Variants in RGS7 observed in about 807,000 individuals in gnomAD.
The protein encoded by RGS7 is regulator of G protein signaling 7, also known as regulator of G-protein signaling 7.
RGS7 carries 27 observed loss-of-function variants against 81.1 expected under a neutral mutation model. The observed-to-expected ratio is 0.33, with a 90% CI of 0.25 to 0.46. The LOEUF (loss-of-function observed/expected upper bound fraction) is 0.46, where lower values mean the gene tolerates loss of function less well. Ranked by LOEUF, RGS7 falls within the 20% of genes least tolerant of loss-of-function variation. The pLI is 1.00. For synonymous variants in RGS7, 208 were observed against 207.7 expected (o/e 1.00, Z -0.01); for missense variants, 396 against 607.4 (o/e 0.65, Z 3.66).
intron 2 of RGS7, among the ~76,000 whole-genome samples, chr1:241,214,199 AC>A (rs1296075191): frequency 6.6e-6 from 1 of 151,942 alleles, no homozygotes; most frequent in Non-Finnish European, 1.5e-5. Context: ...CATGTTATAG[AC>A]CTGTCAGCAA....
At chr1:241,183,360 G>T (rs921679948) in intron 2 of RGS7, among the ~76,000 whole-genome samples, 11 of 152,148 alleles carry the variant, frequency 7.2e-5, no homozygotes, top group African/African-American at 2.4e-4. Flanking sequence ...CAGTCACCAC[G>T]TGCTCCATCT....
At chr1:241,226,232 C>T (rs2075300783) in intron 2 of RGS7, among the ~76,000 whole-genome samples, 1 of 152,102 alleles carries the variant, frequency 6.6e-6, no homozygotes, top group African/African-American at 2.4e-5. Context: ...AGGTGAAAAA[C>T]ACAAATAAAA....
At chr1:240,938,291 GATTT>G (rs1186391077) in intron 4 of RGS7, among the ~76,000 whole-genome samples, 6 of 152,074 alleles carry the variant, frequency 3.9e-5, no homozygotes, top group East Asian at 3.9e-4. Flanking sequence ...AGAAAAGTTA[GATTT>G]ATTTATCTGT....
At chr1:241,299,927 C>T (rs1163097808) in intron 2 of RGS7, among the ~76,000 whole-genome samples, 3 of 62,888 alleles carry the variant, frequency 4.8e-5, no homozygotes, top group East Asian at 5.7e-4. Context: ...ACAGATACCT[C>T]GTTTCTCCAA....
intron 9 of RGS7, among the ~76,000 whole-genome samples, chr1:240,852,032 G>C (rs1660203705): frequency 6.6e-6 from 1 of 152,198 alleles, no homozygotes; most frequent in Admixed American, 6.5e-5. Context: ...GGTTTGAAAG[G>C]ATGTATTCCA....
intron 3 of RGS7, among the ~76,000 whole-genome samples, chr1:241,000,674 T>TCTCC (rs1451575704): frequency 6.6e-5 from 10 of 152,008 alleles, no homozygotes; most frequent in Non-Finnish European, 1.5e-4. Context: ...TTATACAGAG[T>TCTCC]CTCCCTCTGT....
chr1:240,869,370 A>G (rs171881), intron 7 of RGS7, among the ~76,000 whole-genome samples: 2 of 152,034 alleles, frequency 1.3e-5, no homozygotes, highest in South Asian at 2.1e-4. Flanking sequence ...TATCTGCTGA[A>G]GATCACTGTC....
intron 9 of RGS7, among the ~76,000 whole-genome samples, chr1:240,839,797 G>T (rs1374891474): frequency 6.6e-6 from 1 of 152,108 alleles, no homozygotes; most frequent in Non-Finnish European, 1.5e-5. Flanking sequence ...AAAGGATAAA[G>T]TGTCCAAGCC....
intron 10 of RGS7, chr1:240,823,295 AAAT>A: frequency 1.6e-6 from 1 of 615,272 alleles, no homozygotes; most frequent in South Asian, 1.6e-5. Context: ...CAACCATAAT[AAAT>A]GCCAATGGAT....
At chr1:240,994,204 T>G (rs191657883) in intron 3 of RGS7, among the ~76,000 whole-genome samples, 421 of 152,334 alleles carry the variant, frequency 2.8e-3, no homozygotes, top group African/African-American at 9.7e-3. Context: ...ATTATCTCTA[T>G]ATCTACAAAA....
intron 4 of RGS7, among the ~76,000 whole-genome samples, chr1:240,973,782 C>T (rs932951710): frequency 1.3e-5 from 2 of 151,642 alleles, no homozygotes; most frequent in East Asian, 2.0e-4. Context: ...TCAGTAGAGA[C>T]GGGGTTTCAC....
rs192906590 is a variant in RGS7 at position 240,830,990 on chromosome 1, C to A, written c.610-3818G>T. On this transcript the variant is annotated intron_variant, in intron 9 of 18. Transcript: ENST00000440928. ...TTACATCTGAAATTCCCACTTGAGC[C>A]AATTATTAACACCACTAATCAGCAA... Among the ~76,000 whole-genome samples, 9 of 152,238 alleles carry A rather than the reference C, an allele frequency of 5.9e-5. No homozygotes were observed. In the East Asian group the frequency reaches 1.7e-3, roughly 29 times the overall value.
intron 6 of RGS7, among the ~76,000 whole-genome samples, chr1:240,907,730 C>T (rs768900754): frequency 1.3e-5 from 2 of 152,116 alleles, no homozygotes; most frequent in South Asian, 4.1e-4. Flanking sequence ...AATCTTATCC[C>T]GTAATAAGTG....
chr1:241,333,129 C>A (rs1217149383), intron 2 of RGS7, among the ~76,000 whole-genome samples: 1 of 152,214 alleles, frequency 6.6e-6, no homozygotes, highest in African/African-American at 2.4e-5. Context: ...ACTTCAAAAG[C>A]AGATCAATAG....
chr1:241,220,584 T>C (rs1209265809), intron 2 of RGS7, among the ~76,000 whole-genome samples: 2 of 152,178 alleles, frequency 1.3e-5, no homozygotes. Context: ...GCTGTAATTA[T>C]GTGGGTTGGT....
intron 3 of RGS7, among the ~76,000 whole-genome samples, chr1:241,011,333 T>A (rs1370193335): frequency 6.6e-5 from 10 of 152,116 alleles, no homozygotes; most frequent in Admixed American, 6.6e-4. Context: ...GGAAACGGCC[T>A]CATAGAATGG....
chr1:241,123,779 C>A (rs1385463045), intron 2 of RGS7, among the ~76,000 whole-genome samples: 19 of 151,984 alleles, frequency 1.3e-4, no homozygotes, highest in Admixed American at 1.2e-3. Context: ...GAGAACATGG[C>A]TTTAGGTTTT....
At chr1:241,008,778 C>T (rs56412713) in intron 3 of RGS7, among the ~76,000 whole-genome samples, 12,979 of 151,540 alleles carry the variant, frequency 0.086, 575 homozygotes, top group African/African-American at 0.11. Flanking sequence ...TGGGCATGGT[C>T]GCACATGTTT....
intron 2 of RGS7, among the ~76,000 whole-genome samples, chr1:241,302,801 T>A (rs2079852436): frequency 6.6e-6 from 1 of 152,184 alleles, no homozygotes; most frequent in Non-Finnish European, 1.5e-5. Context: ...TTTGAAGAAA[T>A]CTTCTGACGT....
Sources: gnomAD v4.1 joint callset for allele counts (sites outside exome capture counted in the v4.1 genomes callset) on GRCh38, gnomAD v4.1.1 for gene constraint, MANE v1.5 for transcripts, NCBI Gene and HGNC (gene_info 2026-07-23, HGNC 2026-07-21) for gene names.